The following NEMP2 variants were observed in gnomAD, a reference collection of about 807,000 sequenced individuals.
The protein encoded by NEMP2 is UPF0571 transmembrane protein.
NEMP2 carries 53 observed loss-of-function variants against 54.2 expected under a neutral mutation model. That is an observed-to-expected ratio of 0.98 (90% CI 0.78 to 1.23). NEMP2 has a LOEUF of 1.23. Among genes scored for constraint, NEMP2 ranks in the 50% most tolerant of loss-of-function variants. The pLI is 0.00. For missense variants in NEMP2, 455 were observed against 511.3 expected, an observed-to-expected ratio of 0.89 and a Z score of 1.06; for synonymous variants, 197 against 190.3, an observed-to-expected ratio of 1.04 and a Z score of -0.29.
At chr2:190,563,864 G>GCCCTGCCAAGGCCT in the NEMP2 span, among the ~76,000 whole-genome samples, 1 of 152,210 alleles carries the variant, frequency 6.6e-6, no homozygotes, top group Non-Finnish European at 1.5e-5. This position sits in a 1 kb window ranked among gnomAD's most constrained non-coding sequence, Gnocchi z 4.3. Flanking sequence ...ACTCATCAAA[G>GCCCTGCCAAGGCCT]CCCTGCCAAG....
the NEMP2 span, among the ~76,000 whole-genome samples, chr2:190,631,740 A>G: frequency 6.6e-6 from 1 of 152,204 alleles, no homozygotes; most frequent in Non-Finnish European, 1.5e-5. Flanking sequence ...ACAGTCCAAT[A>G]TAGACTTTCC....
At chr2:190,614,334 A>G in the NEMP2 span, among the ~76,000 whole-genome samples, 1 of 152,090 alleles carries the variant, frequency 6.6e-6, no homozygotes, top group African/African-American at 2.4e-5. The surrounding 1 kb of genome is among the most constrained non-coding windows in gnomAD (Gnocchi z 5.7). Context: ...AAAACCCCAG[A>G]GTAGCTTCTG....
the NEMP2 span, among the ~76,000 whole-genome samples, chr2:190,481,540 T>C: frequency 6.6e-6 from 1 of 152,214 alleles, no homozygotes; most frequent in African/African-American, 2.4e-5. Context: ...GTGCTGGATA[T>C]GTCTGTTCTC....
chr2:190,462,124 C>T, the NEMP2 span, among the ~76,000 whole-genome samples: 12 of 152,086 alleles, frequency 7.9e-5, no homozygotes, highest in African/African-American at 2.9e-4. This position sits in a 1 kb window ranked among gnomAD's most constrained non-coding sequence, Gnocchi z 5.7. Context: ...TGTCTGTCTC[C>T]TTCTTGGTTT....
chr2:190,547,653 G>A, the NEMP2 span, among the ~76,000 whole-genome samples: 2 of 152,178 alleles, frequency 1.3e-5, no homozygotes, highest in African/African-American at 4.8e-5. The surrounding 1 kb of genome is among the most constrained non-coding windows in gnomAD (Gnocchi z 6.2). Flanking sequence ...AACCTCCTGA[G>A]TAGCTGGGAC....
chr2:190,561,346 T>G, the NEMP2 span, among the ~76,000 whole-genome samples: 1 of 152,210 alleles, frequency 6.6e-6, no homozygotes, highest in South Asian at 2.1e-4. This position sits in a 1 kb window ranked among gnomAD's most constrained non-coding sequence, Gnocchi z 5.4. Context: ...ATTGGCCTGC[T>G]CGAGCAAGGG....
chr2:190,449,227 A>G, the NEMP2 span, among the ~76,000 whole-genome samples: 1 of 152,214 alleles, frequency 6.6e-6, no homozygotes, highest in Non-Finnish European at 1.5e-5. Context: ...TAATCCCAGC[A>G]CTTTGGCAGG....
the NEMP2 span, among the ~76,000 whole-genome samples, chr2:190,462,716 T>C: frequency 2.0e-5 from 3 of 152,130 alleles, no homozygotes; most frequent in Non-Finnish European, 4.4e-5. The surrounding 1 kb of genome is among the most constrained non-coding windows in gnomAD (Gnocchi z 5.7). Context: ...ATGATTCCTT[T>C]CAACAGTGGG....
In NEMP2 at chr2:190,528,838, G is replaced by C. The variant is rs1406785241; in HGVS notation, c.98-3460C>G. On this transcript the variant is annotated intron_variant, in intron 1 of 8. Coordinates refer to ENST00000409150, the MANE Select transcript of NEMP2 (RefSeq NM_001142645.2). The surrounding 1 kb of genome is among the most constrained non-coding windows in gnomAD (Gnocchi z 4.3). The stretch of plus-strand genomic sequence containing the variant: ...ATCATTCCAAACCTGGAGCTCTTAA[G>C]AGCAAGATGATGCAATTTAAGTATA... Among the ~76,000 whole-genome samples, 1 of 152,132 alleles carries C rather than the reference G, an allele frequency of 6.6e-6. No homozygotes were observed. The highest frequency in any genetic ancestry group is 1.5e-5 in the Non-Finnish European group (1 of 68,024).
chr2:190,442,992 C>T, the NEMP2 span: 2 of 152,240 alleles, frequency 1.3e-5, no homozygotes, highest in Admixed American at 1.3e-4. Context: ...TTGGTCTGTG[C>T]TTTATTGCTT....
chr2:190,435,360 C>T, the NEMP2 span: 5 of 152,204 alleles, frequency 3.3e-5, no homozygotes, highest in Admixed American at 6.5e-5. Flanking sequence ...TTGCCATTTT[C>T]TTAAACTGCT....
Position 190,529,815 on chromosome 2 carries a change from C to A in NEMP2, c.98-4437G>T, listed in dbSNP as rs1691077835. Among the ~76,000 whole-genome samples, 1 of 152,186 alleles carries A rather than the reference C, an allele frequency of 6.6e-6. No homozygotes were observed. Among genetic ancestry groups the A allele is most frequent in the South Asian group, 2.1e-4 (1 of 4,838 alleles). On this transcript the variant is annotated intron_variant, in intron 1 of 8. Transcript: ENST00000409150. The surrounding 1 kb of genome is among the most constrained non-coding windows in gnomAD (Gnocchi z 4.7). ...GCACTCTGGCCCTCCCTTGAAACCA[C>A]CTGATGTAGTAGGATGCCCTTGCCA...
the NEMP2 span, among the ~76,000 whole-genome samples, chr2:190,471,989 T>G: frequency 1.3e-5 from 2 of 152,016 alleles, no homozygotes; most frequent in Non-Finnish European, 2.9e-5. This position sits in a 1 kb window ranked among gnomAD's most constrained non-coding sequence, Gnocchi z 4.7. Flanking sequence ...GGGTCTGGAG[T>G]GGACCTCCAG....
the NEMP2 span, among the ~76,000 whole-genome samples, chr2:190,555,181 A>G: frequency 9.8e-5 from 15 of 152,328 alleles, no homozygotes; most frequent in East Asian, 2.7e-3. This position sits in a 1 kb window ranked among gnomAD's most constrained non-coding sequence, Gnocchi z 4.8. Context: ...AAATTCAAAG[A>G]CCAAGGGTAG....
the NEMP2 span, chr2:190,436,290 C>T: frequency 1.2e-6 from 2 of 1,614,070 alleles, no homozygotes; most frequent in South Asian, 1.1e-5. The surrounding 1 kb of genome is among the most constrained non-coding windows in gnomAD (Gnocchi z 5.3). Context: ...CTCTCTATCC[C>T]CTTTTGCCTG....
the NEMP2 span, among the ~76,000 whole-genome samples, chr2:190,476,340 A>T: frequency 2.6e-5 from 4 of 152,078 alleles, no homozygotes; most frequent in African/African-American, 7.3e-5. Flanking sequence ...GAATCTACAA[A>T]GAACTCAAAC....
the NEMP2 span, among the ~76,000 whole-genome samples, chr2:190,446,310 A>G: frequency 6.6e-6 from 1 of 152,206 alleles, no homozygotes; most frequent in South Asian, 2.1e-4. Flanking sequence ...AGGTGGATGG[A>G]CGCAGGGTGT....
At chr2:190,574,823 CCT>C in the NEMP2 span, among the ~76,000 whole-genome samples, 1 of 119,396 alleles carries the variant, frequency 8.4e-6, no homozygotes, top group Non-Finnish European at 1.8e-5. Flanking sequence ...TCCCTTCCCC[CCT>C]TTCTTTCCTT....
At chr2:190,545,972 AC>A in the NEMP2 span, among the ~76,000 whole-genome samples, 1 of 152,198 alleles carries the variant, frequency 6.6e-6, no homozygotes, top group South Asian at 2.1e-4. Flanking sequence ...AGAAAACGCA[AC>A]CCAGTGTGGG....
Sources: allele counts gnomAD v4.1 joint callset (sites outside exome capture counted in the v4.1 genomes callset), GRCh38; gene constraint gnomAD v4.1.1; non-coding constraint Gnocchi (gnomAD v3.1); transcripts MANE v1.5; gene names NCBI Gene and HGNC (gene_info 2026-07-23, HGNC 2026-07-21).